The following FCGR3A variants were observed in gnomAD, a reference collection of about 807,000 sequenced individuals.
FCGR3A encodes low affinity immunoglobulin gamma Fc region receptor III-A.
FCGR3A carries 13 observed loss-of-function variants against 24.1 expected under a neutral mutation model. The ratio of observed to expected loss-of-function variants is 0.54; its 90% CI spans 0.35 to 0.86. The LOEUF is 0.86. FCGR3A is among the 40% of genes least tolerant of loss of function. The pLI, the probability that FCGR3A is intolerant of heterozygous loss-of-function variation, is 0.01. For missense variants in FCGR3A, 235 were observed against 298.0 expected (o/e 0.79, Z 1.56); for synonymous variants, 93 against 112.2 (o/e 0.83, Z 1.08).
At chr1:161,543,499 T>C (rs1195339890) in intron 4 of FCGR3A, among the ~76,000 whole-genome samples, 1 of 152,212 alleles carries the variant, frequency 6.6e-6, no homozygotes, top group Admixed American at 6.5e-5. Context: ...GTTAAGAAAT[T>C]GTCAGACAAT....
chr1:161,546,195 A>G (rs1394894927), intron 3 of FCGR3A, among the ~76,000 whole-genome samples: 1 of 152,082 alleles, frequency 6.6e-6, no homozygotes, highest in Non-Finnish European at 1.5e-5. Context: ...AGTAATCTTC[A>G]TTACCTATTA....
chr1:161,547,416 G>A (rs1677472642), intron 3 of FCGR3A, among the ~76,000 whole-genome samples: 1 of 152,120 alleles, frequency 6.6e-6, no homozygotes, highest in Non-Finnish European at 1.5e-5. Context: ...GTAGAGTTAG[G>A]TTTGCAGGGC....
rs1198014775 is a variant in FCGR3A, at chr1:161,542,283, C to T, written c.*729G>A. On this transcript the variant is annotated 3_prime_UTR_variant, in exon 5 of 5. Coordinates refer to ENST00000443193, the MANE Select transcript of FCGR3A (RefSeq NM_000569.8). ...GTTCTGTACTTTCTTTTCCACCCCA[C>T]CCCCCACCGCAATCCTCAGTCCCCT... is the stretch of plus-strand genomic sequence containing the variant. The T allele has an allele frequency of 6.6e-6, 1 of 150,562 alleles. No homozygotes were observed. The highest frequency in any genetic ancestry group is 1.5e-5 in the Non-Finnish European group (1 of 67,796). 9.3% of individuals were successfully genotyped at this position (150,562 alleles called of 1,614,324 possible).
chr1:161,546,680 C>A (rs1473557676), intron 3 of FCGR3A, among the ~76,000 whole-genome samples: 2 of 151,768 alleles, frequency 1.3e-5, no homozygotes, highest in Admixed American at 1.3e-4. Context: ...CCGAGGTGGG[C>A]AGATCATGAA....
At position 161,542,866 on chromosome 1, in the gene FCGR3A, A is replaced by C; in HGVS notation, c.*146T>G. On this transcript the variant is annotated 3_prime_UTR_variant, in exon 5 of 5. Coordinates refer to ENST00000443193, the MANE Select transcript of FCGR3A (RefSeq NM_000569.8). ...TTCCCTTCCACTGGAGACCAAGGAA[A>C]AGTCGAGAGTTGGATAAGGGATCTG... 3 of 631,192 alleles carry C rather than the reference A, an allele frequency of 4.8e-6. No homozygotes were observed. 39.1% of individuals were successfully genotyped at this position (631,192 alleles called of 1,614,324 possible). A position where few individuals can be genotyped will look rare whatever the true frequency, so the allele number is the denominator to read the frequency against.
At chr1:161,547,549 T>A (rs528469534) in intron 3 of FCGR3A, among the ~76,000 whole-genome samples, 116 of 152,352 alleles carry the variant, frequency 7.6e-4, no homozygotes, top group Non-Finnish European at 1.5e-3. Context: ...ACAAGAACTT[T>A]CATGTCATGA....
chr1:161,550,391 T>C, upstream of FCGR3A: 1 of 221,462 alleles, frequency 4.5e-6, no homozygotes, highest in African/African-American at 2.3e-5. Flanking sequence ...TTTAGTGTGA[T>C]TTGATCATTA....
intron 3 of FCGR3A, among the ~76,000 whole-genome samples, chr1:161,548,015 G>T (rs1268749512): frequency 4.6e-5 from 7 of 152,300 alleles, no homozygotes; most frequent in Non-Finnish European, 1.0e-4. Context: ...AAGTTGCAGT[G>T]AGCTGAGATT....
At chr1:161,546,033 A>C (rs1677377689) in intron 3 of FCGR3A, among the ~76,000 whole-genome samples, 1 of 152,086 alleles carries the variant, frequency 6.6e-6, no homozygotes, top group African/African-American at 2.4e-5. Flanking sequence ...TTGTAATAAG[A>C]ACAAAACAAA....
chr1:161,544,908 T>C lies in FCGR3A; in HGVS notation c.370A>G (p.Ile124Val), dbSNP rs750026998. The change falls in exon 4 of 5, where the codon ATT (isoleucine) becomes GTT (valine). Residue 124 changes from isoleucine (I) to valine (V), a missense_variant. Transcript: ENST00000443193. ...TTCCAGCTGTGACACCTCAGGTGAATAGGGTCTTCCTCCTTGAACACCCAC... is the reference window on the plus strand; with the variant it reads ...TTCCAGCTGTGACACCTCAGGTGAACAGGGTCTTCCTCCTTGAACACCCAC... ...PRWVFKEEDP[I>V]HLRCHSWKNT... 2.4e-5 allele frequency: 38 copies of C among 1,613,140 alleles called. No individual in the cohort carries two copies. Among genetic ancestry groups the C allele is most frequent in the Non-Finnish European group, 2.8e-5 (33 of 1,179,524 alleles).
In FCGR3A at chr1:161,543,155, G is replaced by C; in HGVS notation, c.622C>G (p.Gln208Glu). 2 of 1,613,386 alleles carry C rather than the reference G, an allele frequency of 1.2e-6. No individual in the cohort carries two copies. The highest frequency in any genetic ancestry group is 1.7e-6 in the Non-Finnish European group (2 of 1,179,604). ...TISSFFPPGY[Q>E]VSFCLVMVLL... ...ACCATCACCAAGCAGAAAGAGACTT[G>C]GTACCCAGGTGGAAAGAATGATGAG... is the stretch of plus-strand genomic sequence containing the variant. The change falls in exon 5 of 5, where the codon CAA becomes GAA. Residue 208 changes from glutamine (Q) to glutamate (E), a missense_variant. Gln to Glu is a conservative substitution (Grantham distance 29). Coordinates refer to ENST00000443193, the MANE Select transcript of FCGR3A (RefSeq NM_000569.8).
upstream of FCGR3A, chr1:161,550,093 G>T (rs922820320): frequency 1.4e-5 from 8 of 576,004 alleles, 1 homozygote; most frequent in Non-Finnish European, 2.1e-5. Flanking sequence ...GATCCACCCA[G>T]CACCAAGAAT....
At chr1:161,549,920 C>A, upstream of FCGR3A, 1 of 1,544,720 alleles carries the variant, frequency 6.5e-7, no homozygotes, top group Non-Finnish European at 8.8e-7. Flanking sequence ...GGGAGCCCCA[C>A]CATAGAACAG....
chr1:161,546,909 A>G (rs1342386860), intron 3 of FCGR3A, among the ~76,000 whole-genome samples: 1 of 151,980 alleles, frequency 6.6e-6, no homozygotes, highest in Non-Finnish European at 1.5e-5. Flanking sequence ...TGTCTCAAAA[A>G]CAAAAACAAA....
chr1:161,543,648 C>A (rs1174362548), intron 4 of FCGR3A, among the ~76,000 whole-genome samples: 3 of 152,154 alleles, frequency 2.0e-5, no homozygotes, highest in Non-Finnish European at 4.4e-5. Flanking sequence ...CAGATCCACT[C>A]ATTGTTTACA....
At chr1:161,543,620 T>A (rs1357539042) in intron 4 of FCGR3A, among the ~76,000 whole-genome samples, 1 of 152,064 alleles carries the variant, frequency 6.6e-6, no homozygotes, top group African/African-American at 2.4e-5. Flanking sequence ...AATAGTTTAA[T>A]CTCGTATATC....
intron 3 of FCGR3A, among the ~76,000 whole-genome samples, chr1:161,547,123 T>C (rs1486935361): frequency 6.6e-6 from 1 of 152,096 alleles, no homozygotes; most frequent in Non-Finnish European, 1.5e-5. Flanking sequence ...AACTAGTAAC[T>C]CTTAGACTTG....
At chr1:161,545,596 T>C (rs1281194951) in intron 3 of FCGR3A, 1 of 152,138 alleles carries the variant, frequency 6.6e-6, no homozygotes, top group Non-Finnish European at 1.5e-5. Flanking sequence ...AGCATGGCCT[T>C]CAAGAGAGGA....
In FCGR3A at chr1:161,548,587, G is replaced by A. The variant is rs2102533369; in HGVS notation, c.153C>T (p.Tyr51=). 1 of 1,614,010 alleles carries A rather than the reference G, an allele frequency of 6.2e-7. No homozygotes were observed. The highest frequency in any genetic ancestry group is 8.5e-7 in the Non-Finnish European group (1 of 1,179,866). ...ACTGTGTGGAATTGTCCTCAGGGGAGTAGGCTCCCTGGCACTTCAGAGTCA... is the reference window on the plus strand; with the variant it reads ...ACTGTGTGGAATTGTCCTCAGGGGAATAGGCTCCCTGGCACTTCAGAGTCA... The part of the protein sequence containing the change: ...DSVTLKCQGA[Y]SPEDNSTQWF... The change falls in exon 3 of 5, where the codon TAC becomes TAT. Residue 51 remains tyrosine, a synonymous_variant. Coordinates refer to ENST00000443193, the MANE Select transcript of FCGR3A (RefSeq NM_000569.8).
Sources: gnomAD v4.1 joint callset for allele counts (sites outside exome capture counted in the v4.1 genomes callset) on GRCh38, gnomAD v4.1.1 for gene constraint, MANE v1.5 for transcripts, NCBI Gene and HGNC (gene_info 2026-07-23, HGNC 2026-07-21) for gene names.